GLRA1: variants seen among roughly 807,000 people sequenced by gnomAD.
The protein encoded by GLRA1 is glycine receptor alpha 1, also known as glycine receptor subunit alpha-1.
In GLRA1, 37 loss-of-function variants were observed where a neutral mutation model predicts 48.3. The ratio of observed to expected loss-of-function variants is 0.77; its 90% CI spans 0.59 to 1.01. The LOEUF (loss-of-function observed/expected upper bound fraction) is 1.01, where lower values mean the gene tolerates loss of function less well. Ranked by LOEUF, GLRA1 falls within the 50% of genes least tolerant of loss-of-function variation. The pLI is 0.00. For synonymous variants in GLRA1, 196 were observed against 210.7 expected (o/e 0.93, Z 0.60); for missense variants, 427 against 571.0 (o/e 0.75, Z 2.57).
intron 3 of GLRA1, among the ~76,000 whole-genome samples, chr5:151,868,174 A>G (rs1166590016): frequency 6.6e-6 from 1 of 152,232 alleles, no homozygotes; most frequent in African/African-American, 2.4e-5. Context: ...CTCATTTTAC[A>G]GAAAGGGAGT....
chr5:151,862,382 A>T (rs1221790930), intron 3 of GLRA1, among the ~76,000 whole-genome samples: 1 of 152,252 alleles, frequency 6.6e-6, no homozygotes, highest in African/African-American at 2.4e-5. Context: ...CAAGGACTTC[A>T]TGTCTAAAAC....
chr5:151,895,175 A>G (rs74832095), intron 1 of GLRA1, among the ~76,000 whole-genome samples: 1,535 of 152,294 alleles, frequency 0.01, 26 homozygotes, highest in African/African-American at 0.031. Context: ...GTTTGTATGT[A>G]CAAAATGTGA....
chr5:151,883,947 G>A (rs1403120872), intron 3 of GLRA1, among the ~76,000 whole-genome samples: 1 of 152,154 alleles, frequency 6.6e-6, no homozygotes, highest in Admixed American at 6.5e-5. Flanking sequence ...AATGGGGGGT[G>A]AGGGTTGTGG....
chr5:151,902,304 C>T (rs1354408571), intron 1 of GLRA1, among the ~76,000 whole-genome samples: 1 of 151,960 alleles, frequency 6.6e-6, no homozygotes, highest in African/African-American at 2.4e-5. Context: ...AACTGGAGCG[C>T]TCCAGGTCTG....
chr5:151,917,810 G>A (rs1754775778), intron 1 of GLRA1, among the ~76,000 whole-genome samples: 2 of 152,176 alleles, frequency 1.3e-5, no homozygotes, highest in South Asian at 4.1e-4. Context: ...TTCTCTGGGG[G>A]TGAACAGGTG....
At chr5:151,831,750 G>A (rs1309654622) in intron 7 of GLRA1, among the ~76,000 whole-genome samples, 1 of 152,220 alleles carries the variant, frequency 6.6e-6, no homozygotes, top group Non-Finnish European at 1.5e-5. Context: ...GTTCCTGCCT[G>A]CCAGCTCTGA....
chr5:151,855,259 C>G, intron 5 of GLRA1, 82 bp from the exon 6 acceptor site: 4 of 1,345,824 alleles, frequency 3.0e-6, no homozygotes, highest in Non-Finnish European at 4.3e-6. Context: ...GGGTTAGAGA[C>G]TGAGAGAGAC....
chr5:151,845,199 A>G (rs1752641247), intron 7 of GLRA1, among the ~76,000 whole-genome samples: 1 of 152,210 alleles, frequency 6.6e-6, no homozygotes, highest in Non-Finnish European at 1.5e-5. Context: ...CTATGATCCA[A>G]ACACTTCCAT....
At chr5:151,900,335 G>C (rs960785436) in intron 1 of GLRA1, among the ~76,000 whole-genome samples, 3 of 152,258 alleles carry the variant, frequency 2.0e-5, no homozygotes, top group East Asian at 1.9e-4. Flanking sequence ...TGGTCTACAG[G>C]GTGGGATTTC....
chr5:151,914,588 C>T (rs1469762196), intron 1 of GLRA1, among the ~76,000 whole-genome samples: 1 of 152,138 alleles, frequency 6.6e-6, no homozygotes, highest in Non-Finnish European at 1.5e-5. Context: ...CTATGCTGCC[C>T]TTCTTCTTGA....
At chr5:151,905,678 G>C (rs17112369) in intron 1 of GLRA1, among the ~76,000 whole-genome samples, 1,555 of 152,222 alleles carry the variant, frequency 0.01, 31 homozygotes, top group African/African-American at 0.036. Context: ...CAACTTGGCT[G>C]TCATTGAAAA....
chr5:151,915,002 A>G (rs542066206), intron 1 of GLRA1, among the ~76,000 whole-genome samples: 21 of 152,264 alleles, frequency 1.4e-4, no homozygotes, highest in African/African-American at 4.6e-4. Context: ...AGTGTTTTCT[A>G]TAGTCACACC....
intron 1 of GLRA1, among the ~76,000 whole-genome samples, chr5:151,911,017 C>T (rs761232100): frequency 3.9e-5 from 6 of 152,172 alleles, no homozygotes; most frequent in Non-Finnish European, 7.3e-5. Flanking sequence ...ACAAATTATT[C>T]TCTCTCAGCC....
intron 7 of GLRA1, among the ~76,000 whole-genome samples, chr5:151,845,510 C>T (rs112605199): frequency 3.3e-4 from 51 of 152,274 alleles, no homozygotes; most frequent in African/African-American, 1.2e-3. Flanking sequence ...AAATGCAAAT[C>T]AAAACCACAA....
chr5:151,847,644 G>A (rs1416394500), intron 7 of GLRA1, among the ~76,000 whole-genome samples: 3 of 152,050 alleles, frequency 2.0e-5, no homozygotes, highest in South Asian at 2.1e-4. Context: ...GCTTGAACCC[G>A]GGAGGTGGAG....
intron 2 of GLRA1, among the ~76,000 whole-genome samples, chr5:151,889,817 G>C (rs887760489): frequency 6.6e-6 from 1 of 152,084 alleles, no homozygotes; most frequent in Admixed American, 6.6e-5. Context: ...AATCCTCTCA[G>C]CAATTTTTCA....
At position 151,901,548 on chromosome 5, in the gene GLRA1, A is replaced by G. The variant is rs79591319; in HGVS notation, c.57-9110T>C. On this transcript the variant is annotated intron_variant, in intron 1 of 8. Transcript: ENST00000274576. ...GAGCAAATGGCTCTCATTACCTTCAATGCAGCTTTCTTTTTAATCAGATAA... is the reference window on the plus strand; with the variant it reads ...GAGCAAATGGCTCTCATTACCTTCAGTGCAGCTTTCTTTTTAATCAGATAA... 2.2e-3 allele frequency among the ~76,000 whole-genome samples: 332 copies of G among 152,328 alleles called. 2 individuals carry two copies. Among genetic ancestry groups the G allele is most frequent in the East Asian group, 0.021 (108 of 5,184 alleles).
intron 1 of GLRA1, among the ~76,000 whole-genome samples, chr5:151,902,808 G>A (rs1754394257): frequency 6.6e-6 from 1 of 152,132 alleles, no homozygotes; most frequent in Admixed American, 6.5e-5. Flanking sequence ...ATAACCCTTT[G>A]AGTTGGGGTG....
intron 2 of GLRA1, among the ~76,000 whole-genome samples, chr5:151,887,400 T>C (rs919628768): frequency 6.6e-6 from 1 of 152,242 alleles, no homozygotes; most frequent in Non-Finnish European, 1.5e-5. Context: ...TGTTGTCTCA[T>C]TGAAGCCCAA....
Sources: gnomAD v4.1 joint callset for allele counts (sites outside exome capture counted in the v4.1 genomes callset) on GRCh38, gnomAD v4.1.1 for gene constraint, MANE v1.5 for transcripts, NCBI Gene and HGNC (gene_info 2026-07-23, HGNC 2026-07-21) for gene names.